The following C1orf105 variants were observed in gnomAD, a reference collection of about 807,000 sequenced individuals.
C1orf105 encodes the protein chromosome 1 open reading frame 105, also known as uncharacterized protein C1orf105.
A neutral mutation model predicts 20.8 loss-of-function variants in C1orf105; 17 were observed. The observed-to-expected ratio is 0.82, with a 90% CI of 0.56 to 1.23. C1orf105 has a LOEUF of 1.23. C1orf105 is among the 50% of genes most tolerant of loss of function. The probability of loss-of-function intolerance (pLI) is 0.00; values close to 1 mark genes in which losing one functional copy is unlikely to be tolerated. For synonymous variants in C1orf105, 72 were observed against 72.1 expected (o/e 1.00, Z 0.01); for missense variants, 219 against 213.5 (o/e 1.03, Z -0.16).
Position 172,444,956 on chromosome 1 carries a change from T to C in C1orf105, c.22-117T>C. On this transcript the variant is annotated intron_variant, in intron 1 of 6. Coordinates refer to ENST00000367727, the MANE Select transcript of C1orf105 (RefSeq NM_139240.4). ...TATAGGATGGTTAAAGAGTTAAATA[T>C]AAAAATGGTTTGTAAAGTGTTCACT... 1.2e-5 allele frequency: 8 copies of C among 671,628 alleles called. No individual in the cohort carries two copies. The South Asian group carries it at 1.9e-4, about 16-fold the overall frequency. The allele number at this position is 671,628 out of a possible 1,614,324, so 41.6% of individuals were successfully genotyped here.
At chr1:172,460,537 T>C (rs1649612888) in intron 4 of C1orf105, among the ~76,000 whole-genome samples, 1 of 152,198 alleles carries the variant, frequency 6.6e-6, no homozygotes, top group Non-Finnish European at 1.5e-5. Context: ...ACCATCAAGC[T>C]AGACAACTGT....
At chr1:172,439,874 T>C (rs192461571) in intron 1 of C1orf105, among the ~76,000 whole-genome samples, 2 of 152,124 alleles carry the variant, frequency 1.3e-5, no homozygotes, top group Non-Finnish European at 2.9e-5. Flanking sequence ...CATGCCTCTA[T>C]TGAGGCACAA....
intron 1 of C1orf105, among the ~76,000 whole-genome samples, chr1:172,432,308 A>G (rs2071897761): frequency 6.6e-6 from 1 of 152,206 alleles, no homozygotes; most frequent in African/African-American, 2.4e-5. Flanking sequence ...CCTGACCCCC[A>G]GGTAGCCTAA....
intron 1 of C1orf105, among the ~76,000 whole-genome samples, chr1:172,440,283 G>A (rs1292212007): frequency 1.3e-5 from 2 of 152,234 alleles, no homozygotes; most frequent in Non-Finnish European, 1.5e-5. Flanking sequence ...ATCTTGGGAG[G>A]TGCCTGCTGC....
chr1:172,468,660 C>A lies in C1orf105; in HGVS notation c.*66C>A. ...ATAACCTCGCCAAGCCAATCTTTGA[C>A]ACTGGCACCTTCTCCTCACAATTTT... On this transcript the variant is annotated 3_prime_UTR_variant, in exon 7 of 7. Transcript: ENST00000367727. The A allele has an allele frequency of 6.7e-7, 1 of 1,496,434 alleles. No individual in the cohort carries two copies. 92.7% of individuals were successfully genotyped at this position (1,496,434 alleles called of 1,614,324 possible).
chr1:172,431,688 G>A (rs745840385), intron 1 of C1orf105, among the ~76,000 whole-genome samples: 32 of 152,254 alleles, frequency 2.1e-4, no homozygotes, highest in Admixed American at 5.2e-4. Context: ...GAAGACAGGT[G>A]ATTTCTGCAT....
At chr1:172,430,196 G>C (rs2071831921) in intron 1 of C1orf105, 1 of 574,944 alleles carries the variant, frequency 1.7e-6, no homozygotes, top group Admixed American at 2.7e-5. Context: ...CTTTCAGTGT[G>C]GTTTAAATAT....
intron 4 of C1orf105, among the ~76,000 whole-genome samples, chr1:172,457,076 C>T (rs1021718919): frequency 2.0e-5 from 3 of 152,156 alleles, no homozygotes; most frequent in Admixed American, 2.0e-4. Context: ...GGAACAAAGA[C>T]AAACTTCTGC....
chr1:172,449,882 T>C (rs1470044618), intron 3 of C1orf105, among the ~76,000 whole-genome samples: 1 of 152,166 alleles, frequency 6.6e-6, no homozygotes, highest in Non-Finnish European at 1.5e-5. Context: ...ACTTCCTATT[T>C]AGACAGGTCT....
Position 172,468,506 on chromosome 1 carries a change from T to C in C1orf105, c.464T>C (p.Leu155Ser). Reference protein sequence around the residue: ...LGPRTAVFHGLLTEAYKTLKE... With the variant: ...LGPRTAVFHGSLTEAYKTLKE... The stretch of plus-strand genomic sequence containing the variant: ...CCCAGGACAGCTGTCTTCCACGGAT[T>C]ACTGACAGAGGCCTACAAAACTCTA... Residue 155 changes from leucine (L) to serine (S), a missense_variant, in exon 7 of 7, where the codon TTA becomes TCA. By Grantham distance (145) the Leu-to-Ser change is moderately radical (BLOSUM62 -2). Transcript: ENST00000367727. 1 of 1,613,952 alleles carries C rather than the reference T, an allele frequency of 6.2e-7. No homozygotes were observed. Among genetic ancestry groups the C allele is most frequent in the Non-Finnish European group, 8.5e-7 (1 of 1,179,882 alleles).
At chr1:172,430,207 A>C (rs201534664) in intron 1 of C1orf105, 4 of 373,530 alleles carry the variant, frequency 1.1e-5, no homozygotes, top group Non-Finnish European at 1.9e-5. Context: ...GTTTAAATAT[A>C]AGAGACTGAC....
chr1:172,421,301 AG>A (rs1171014672), intron 1 of C1orf105, among the ~76,000 whole-genome samples: 3 of 152,186 alleles, frequency 2.0e-5, no homozygotes, highest in Non-Finnish European at 2.9e-5. Context: ...TCTCAGTCAC[AG>A]GAAGTTAAGA....
chr1:172,437,119 A>G (rs2072063042), intron 1 of C1orf105, among the ~76,000 whole-genome samples: 1 of 152,124 alleles, frequency 6.6e-6, no homozygotes, highest in South Asian at 2.1e-4. Context: ...GAGAAATAAC[A>G]CTTTTACACT....
intron 3 of C1orf105, 60 bp downstream of exon 3, chr1:172,448,591 G>A: frequency 2.1e-6 from 2 of 943,542 alleles, no homozygotes; most frequent in South Asian, 2.6e-5. Flanking sequence ...CATAGAATAT[G>A]AATACATGTC....
intron 2 of C1orf105, among the ~76,000 whole-genome samples, chr1:172,446,809 T>C (rs979960505): frequency 3.3e-5 from 5 of 152,142 alleles, no homozygotes. Flanking sequence ...AGACAGTCTG[T>C]TGACAGCCAA....
At chr1:172,455,476 C>A (rs889476734) in intron 3 of C1orf105, among the ~76,000 whole-genome samples, 1 of 152,224 alleles carries the variant, frequency 6.6e-6, no homozygotes, top group Non-Finnish European at 1.5e-5. Context: ...ATATTCTGCA[C>A]TTTCTGTGAC....
chr1:172,437,152 T>C (rs2072064218), intron 1 of C1orf105, among the ~76,000 whole-genome samples: 1 of 152,186 alleles, frequency 6.6e-6, no homozygotes, highest in South Asian at 2.1e-4. Context: ...GTAAATTAGT[T>C]CAACCATTGT....
At chr1:172,464,836 G>T (rs969797577) in intron 5 of C1orf105, among the ~76,000 whole-genome samples, 1 of 152,116 alleles carries the variant, frequency 6.6e-6, no homozygotes, top group African/African-American at 2.4e-5. Context: ...GCTAGAAAGT[G>T]GCCTTATCAT....
chr1:172,438,708 T>C lies in C1orf105; in HGVS notation c.22-6365T>C, dbSNP rs578154397. Among the ~76,000 whole-genome samples the C allele has an allele frequency of 2.0e-5, 3 of 152,358 alleles. No homozygotes were observed. In the East Asian group the frequency reaches 5.8e-4, roughly 29 times the overall value. ...GTTGACCCAATTTTGAAAGATGTTC[T>C]ACTGTGAGTAAAATGCTATCAAACA... On this transcript the variant is annotated intron_variant, in intron 1 of 6. Coordinates refer to ENST00000367727, the MANE Select transcript of C1orf105 (RefSeq NM_139240.4).
Sources: allele counts gnomAD v4.1 joint callset (sites outside exome capture counted in the v4.1 genomes callset), GRCh38; gene constraint gnomAD v4.1.1; transcripts MANE v1.5; gene names NCBI Gene and HGNC (gene_info 2026-07-23, HGNC 2026-07-21).